DIAPH2: variants seen among roughly 807,000 people sequenced by gnomAD.
DIAPH2 encodes the protein protein diaphanous homolog 2.
Under a neutral mutation model 92.7 loss-of-function variants are expected in DIAPH2, and 35 were observed. That is an observed-to-expected ratio of 0.38 (90% CI 0.29 to 0.50). DIAPH2 has a LOEUF of 0.50. Ranked by LOEUF, DIAPH2 falls within the 20% of genes least tolerant of loss-of-function variation. The pLI is 0.94. For synonymous variants in DIAPH2, 301 were observed against 280.4 expected (o/e 1.07, Z -0.73); for missense variants, 701 against 819.5 (o/e 0.86, Z 1.77).
intron 26 of DIAPH2, among the ~76,000 whole-genome samples, chrX:97,436,943 C>A (rs2070193331): frequency 8.9e-6 from 1 of 111,854 alleles, no homozygotes; most frequent in Admixed American, 9.5e-5. Flanking sequence ...CCAAGTAGTA[C>A]TGCTTATGCC....
At chrX:97,184,345 C>T (rs958467977) in intron 22 of DIAPH2, among the ~76,000 whole-genome samples, 3 of 112,105 alleles carry the variant, frequency 2.7e-5, no homozygotes, top group Admixed American at 9.5e-5. Context: ...TATTCTATTA[C>T]TGTGTCATGT....
intron 12 of DIAPH2, among the ~76,000 whole-genome samples, chrX:96,941,368 G>A (rs184956881): frequency 1.8e-5 from 2 of 112,009 alleles, no homozygotes; most frequent in East Asian, 5.6e-4. Flanking sequence ...CCAGAATTAC[G>A]CTGATGGATT....
At chrX:97,240,523 G>A (rs895144730) in intron 22 of DIAPH2, among the ~76,000 whole-genome samples, 8 of 107,949 alleles carry the variant, frequency 7.4e-5, no homozygotes, top group South Asian at 4.2e-4. Context: ...GGAGAATGGC[G>A]TGAACCTGGG....
intron 17 of DIAPH2, among the ~76,000 whole-genome samples, chrX:96,982,177 C>T (rs1027257567): frequency 8.9e-6 from 1 of 111,876 alleles, no homozygotes; most frequent in East Asian, 2.8e-4. Context: ...TTATCCATGG[C>T]CACATATTAA....
Position 97,195,210 on chromosome X carries a change from TA to T in DIAPH2, c.2720-52504del, listed in dbSNP as rs200532068. On this transcript the variant is annotated intron_variant, in intron 22 of 26. Transcript: ENST00000324765. ...GATATCTTCTAGGAGATAGCTGAAA[TA>T]TATATAACATCAAAATATATTGTAT... Among the ~76,000 whole-genome samples the T allele has an allele frequency of 3.1e-3, 344 of 112,144 alleles. 8 individuals are homozygous for T. In the East Asian group the frequency reaches 0.086, roughly 28 times the overall value.
intron 19 of DIAPH2, among the ~76,000 whole-genome samples, chrX:97,099,321 G>A (rs746562082): frequency 2.7e-5 from 3 of 109,650 alleles, no homozygotes; most frequent in African/African-American, 6.6e-5. Context: ...AGCCGAGATC[G>A]CGCCACTGCA....
intron 22 of DIAPH2, among the ~76,000 whole-genome samples, chrX:97,164,132 C>A (rs1358892622): frequency 8.9e-6 from 1 of 111,944 alleles, no homozygotes; most frequent in Non-Finnish European, 1.9e-5. Context: ...TTTTTAAGGT[C>A]ACTACTGTGT....
chrX:97,518,570 GTA>G (rs748442573), intron 26 of DIAPH2, among the ~76,000 whole-genome samples: 6 of 108,179 alleles, frequency 5.5e-5, no homozygotes, highest in African/African-American at 3.4e-5. Flanking sequence ...ATATATGTGT[GTA>G]TATATATATA....
intron 26 of DIAPH2, among the ~76,000 whole-genome samples, chrX:97,570,345 C>A (rs901646999): frequency 9.5e-6 from 1 of 104,800 alleles, no homozygotes; most frequent in Admixed American, 1.1e-4. Flanking sequence ...GGTATCTAAA[C>A]TCCTTTCTGC....
At chrX:97,395,417 G>A (rs140025137) in intron 25 of DIAPH2, among the ~76,000 whole-genome samples, 1,892 of 111,785 alleles carry the variant, frequency 0.017, 46 homozygotes, top group African/African-American at 0.059. Context: ...TGGACATGTA[G>A]CCAGCACACA....
intron 4 of DIAPH2, among the ~76,000 whole-genome samples, chrX:96,827,959 G>A (rs1028700885): frequency 9.0e-6 from 1 of 111,550 alleles, no homozygotes; most frequent in African/African-American, 3.3e-5. Flanking sequence ...TAATAGACAC[G>A]AGGTTTCACT....
At position 97,075,260 on chromosome X, in the gene DIAPH2, A is replaced by G; in HGVS notation, c.2246A>G (p.Gln749Arg). The G allele has an allele frequency of 8.7e-7, 1 of 1,145,613 alleles. No homozygotes were observed. Among genetic ancestry groups the G allele is most frequent in the Admixed American group, 2.5e-5 (1 of 40,609 alleles). 94.4% of individuals were successfully genotyped at this position (1,145,613 alleles called of 1,213,427 possible). A position where few individuals can be genotyped will look rare whatever the true frequency, so the allele number is the denominator to read the frequency against. ...GACATGCTGAGTGAGGCTTTAATTC[A>G]GGTAACTTGGATATTTTCCTTTTGA... ...NEDMLSEALI[Q>R]NLVKHLPEQK... The change falls in exon 19 of 27, where the codon CAG becomes CGG. Residue 749 changes from glutamine (Q) to arginine (R), a missense_variant and splice_region_variant. Gln to Arg is a conservative substitution (Grantham distance 43, BLOSUM62 1). Transcript: ENST00000324765.
At chrX:97,401,258 T>C (rs2147749497) in intron 25 of DIAPH2, among the ~76,000 whole-genome samples, 1 of 110,953 alleles carries the variant, frequency 9.0e-6, no homozygotes, top group South Asian at 3.9e-4. Flanking sequence ...ATTCCTATTG[T>C]CCCATCTCAC....
chrX:97,044,056 G>T (rs752249509), intron 17 of DIAPH2, among the ~76,000 whole-genome samples: 5 of 111,860 alleles, frequency 4.5e-5, no homozygotes, highest in Non-Finnish European at 7.6e-5. Flanking sequence ...TGAATAACTT[G>T]CTTATCTACA....
At chrX:96,829,878 A>G (rs1306560531) in intron 4 of DIAPH2, among the ~76,000 whole-genome samples, 1 of 106,451 alleles carries the variant, frequency 9.4e-6, no homozygotes, top group Non-Finnish European at 1.9e-5. Context: ...ATTTCAACAG[A>G]ATTTTTCTTT....
At chrX:96,884,410 A>C in intron 5 of DIAPH2, 1 of 1,210,566 alleles carries the variant, frequency 8.3e-7, no homozygotes, top group Non-Finnish European at 1.1e-6. Flanking sequence ...AACTCCTGCT[A>C]TTAAGACCCA....
At chrX:96,759,052 CTGTA>C (rs1384296154) in intron 4 of DIAPH2, among the ~76,000 whole-genome samples, 1 of 108,617 alleles carries the variant, frequency 9.2e-6, no homozygotes, top group African/African-American at 3.4e-5. Flanking sequence ...CATAAAATCA[CTGTA>C]TGTGTGTATA....
chrX:97,446,858 CAAA>C (rs1161893607), intron 26 of DIAPH2, among the ~76,000 whole-genome samples: 3 of 65,971 alleles, frequency 4.5e-5, no homozygotes, highest in African/African-American at 1.0e-4. Flanking sequence ...TTAAATGTTG[CAAA>C]AAAAAAAAAA....
chrX:97,047,778 G>C (rs928721742), intron 17 of DIAPH2, among the ~76,000 whole-genome samples: 1 of 108,333 alleles, frequency 9.2e-6, no homozygotes, highest in Non-Finnish European at 1.9e-5. Flanking sequence ...CTCTGACTTT[G>C]TTCTATGATT....
Sources: gnomAD v4.1 joint callset for allele counts (sites outside exome capture counted in the v4.1 genomes callset) on GRCh38, gnomAD v4.1.1 for gene constraint, MANE v1.5 for transcripts, NCBI Gene and HGNC (gene_info 2026-07-23, HGNC 2026-07-21) for gene names.